The following SLC39A14 variants were observed in gnomAD, a reference collection of about 807,000 sequenced individuals.
SLC39A14 encodes the protein metal cation symporter ZIP14.
Under a neutral mutation model 45.5 loss-of-function variants are expected in SLC39A14, and 19 were observed. That is an observed-to-expected ratio of 0.42 (90% CI 0.29 to 0.61). SLC39A14 has a LOEUF of 0.61. Ranked by LOEUF, SLC39A14 falls within the 20% of genes least tolerant of loss-of-function variation. SLC39A14 has a pLI of 0.22. For synonymous variants in SLC39A14, 264 were observed against 251.3 expected, an observed-to-expected ratio of 1.05 and a Z score of -0.48; for missense variants, 447 against 616.5, an observed-to-expected ratio of 0.73 and a Z score of 2.91.
chr8:22,395,207 G>A (rs923546346), intron 1 of SLC39A14, among the ~76,000 whole-genome samples: 1 of 151,932 alleles, frequency 6.6e-6, no homozygotes, highest in Non-Finnish European at 1.5e-5. Context: ...TTGGGGTTTC[G>A]CCATATTGAC....
At chr8:22,384,967 T>G (rs1057380912) in intron 1 of SLC39A14, among the ~76,000 whole-genome samples, 2 of 130,390 alleles carry the variant, frequency 1.5e-5, no homozygotes. Context: ...GGAGAATTGC[T>G]TGAACCCGGG....
intron 1 of SLC39A14, among the ~76,000 whole-genome samples, chr8:22,390,944 G>A (rs948760850): frequency 7.2e-5 from 11 of 152,120 alleles, no homozygotes; most frequent in Non-Finnish European, 1.2e-4. Context: ...CCTGGGACAT[G>A]CATTTCCCTG....
chr8:22,385,620 G>T (rs1833751514), intron 1 of SLC39A14, among the ~76,000 whole-genome samples: 1 of 152,214 alleles, frequency 6.6e-6, no homozygotes, highest in Admixed American at 6.5e-5. Flanking sequence ...CCCAGTGAGT[G>T]AGATGAGCCA....
At chr8:22,398,389 G>A (rs1019747996) in intron 1 of SLC39A14, 1 of 152,362 alleles carries the variant, frequency 6.6e-6, no homozygotes. Flanking sequence ...GCGAGGGGTC[G>A]GGGGGCAGAC....
Position 22,412,017 on chromosome 8 carries a change from G to T in SLC39A14, c.458-20G>T. ...TCTCTCCCTGCCCTGGGTGGGGCTGGCCCTCCCTCCGCACGGCAGTGTGGG... is the reference window on the plus strand; with the variant it reads ...TCTCTCCCTGCCCTGGGTGGGGCTGTCCCTCCCTCCGCACGGCAGTGTGGG... On this transcript the variant is annotated intron_variant, in intron 3 of 8. Transcript: ENST00000381237. The T allele has an allele frequency of 1.3e-6, 2 of 1,545,420 alleles. No homozygotes were observed. Among genetic ancestry groups the T allele is most frequent in the South Asian group, 1.2e-5 (1 of 83,698 alleles).
At chr8:22,369,333 G>A (rs1479463080) in intron 1 of SLC39A14, among the ~76,000 whole-genome samples, 1 of 152,266 alleles carries the variant, frequency 6.6e-6, no homozygotes, top group Non-Finnish European at 1.5e-5. Flanking sequence ...TGGCCAGCCA[G>A]TGCAGAGGCT....
At chr8:22,423,021 G>A (rs570671327), downstream of SLC39A14, among the ~76,000 whole-genome samples, 4 of 151,906 alleles carry the variant, frequency 2.6e-5, no homozygotes, top group East Asian at 5.8e-4. Flanking sequence ...ATGGGGTTTC[G>A]CCATGTTGTC....
intron 3 of SLC39A14, among the ~76,000 whole-genome samples, chr8:22,409,626 C>G (rs1835447971): frequency 6.6e-6 from 1 of 151,760 alleles, no homozygotes; most frequent in Non-Finnish European, 1.5e-5. Flanking sequence ...AGGTGATCCA[C>G]CTTCCTCAGC....
chr8:22,387,964 G>A (rs927728777), intron 1 of SLC39A14, among the ~76,000 whole-genome samples: 4 of 152,234 alleles, frequency 2.6e-5, no homozygotes, highest in African/African-American at 9.6e-5. Context: ...CGGGTGTGGT[G>A]GCGCATGCCT....
chr8:22,431,177 CAG>C (rs1371843184), intron 8 of SLC39A14, among the ~76,000 whole-genome samples: 1 of 151,772 alleles, frequency 6.6e-6, no homozygotes, highest in Non-Finnish European at 1.5e-5. Flanking sequence ...TTAGTAGAGA[CAG>C]GGTTTCACTG....
Position 22,421,398 on chromosome 8 carries a change from T to C in SLC39A14, c.*1700T>C. On this transcript the variant is annotated 3_prime_UTR_variant, in exon 9 of 9. Transcript: ENST00000381237. ...TGATACTTTTTTTAAGTTTTGTTTT[T>C]ATCTTGCCTGTTGGCTTCAATACAT... 1 of 985,886 alleles carries C rather than the reference T, an allele frequency of 1.0e-6. No individual in the cohort carries two copies. Among genetic ancestry groups the C allele is most frequent in the Non-Finnish European group, 1.2e-6 (1 of 829,938 alleles). The allele number at this position is 985,886 out of a possible 1,614,324, so 61.1% of individuals were successfully genotyped here.
chr8:22,419,494 C>G, intron 8 of SLC39A14, 58 bp from the exon 9 acceptor site: 1 of 1,531,908 alleles, frequency 6.5e-7, no homozygotes, highest in South Asian at 1.2e-5. Flanking sequence ...CTGAATTGCC[C>G]TGGACTTACA....
chr8:22,432,854 T>C (rs577150902), intron 8 of SLC39A14, among the ~76,000 whole-genome samples: 2 of 146,772 alleles, frequency 1.4e-5, no homozygotes, highest in South Asian at 4.4e-4. Context: ...GGTTTTACCA[T>C]GTTGGACAGG....
intron 2 of SLC39A14, among the ~76,000 whole-genome samples, chr8:22,407,901 G>T (rs927837213): frequency 6.6e-6 from 1 of 150,752 alleles, no homozygotes; most frequent in Non-Finnish European, 1.5e-5. Context: ...TGTAAAGAAG[G>T]GGTCTCATGT....
Position 22,421,195 on chromosome 8 carries a change from C to T in SLC39A14, c.*1497C>T. On this transcript the variant is annotated 3_prime_UTR_variant, in exon 9 of 9. Transcript: ENST00000381237. The stretch of plus-strand genomic sequence containing the variant: ...CAGGGGCCATGTTTGCAAACTGATT[C>T]ATGTGCATGGCTGACAGGAGTACTG... 2 of 985,836 alleles carry T rather than the reference C, an allele frequency of 2.0e-6. No homozygotes were observed. Among genetic ancestry groups the T allele is most frequent in the Non-Finnish European group, 2.4e-6 (2 of 829,932 alleles). The allele number at this position is 985,836 out of a possible 1,614,324, so 61.1% of individuals were successfully genotyped here.
intron 1 of SLC39A14, among the ~76,000 whole-genome samples, chr8:22,394,551 C>T (rs1332034073): frequency 1.3e-5 from 2 of 151,862 alleles, no homozygotes; most frequent in African/African-American, 4.8e-5. Context: ...GATCTCCTGA[C>T]CTTGTGATCC....
intron 1 of SLC39A14, among the ~76,000 whole-genome samples, chr8:22,374,891 G>A (rs1159378325): frequency 6.6e-6 from 1 of 151,948 alleles, no homozygotes; most frequent in Non-Finnish European, 1.5e-5. Context: ...GACTCCAGGT[G>A]CACACCACCA....
In SLC39A14 at chr8:22,420,968, A is replaced by G. The variant is rs1017211380; in HGVS notation, c.*1270A>G. The G allele has an allele frequency of 1.0e-6, 1 of 985,882 alleles. No homozygotes were observed. Among genetic ancestry groups the G allele is most frequent in the Non-Finnish European group, 1.2e-6 (1 of 829,940 alleles). The allele number at this position is 985,882 out of a possible 1,614,324, so 61.1% of individuals were successfully genotyped here. A position where few individuals can be genotyped will look rare whatever the true frequency, so the allele number is the denominator to read the frequency against. On this transcript the variant is annotated 3_prime_UTR_variant, in exon 9 of 9. Transcript: ENST00000381237. ...AACTCTCTCCAGAAAATGGATGGAG[A>G]TAACTTGTCTTTAAAACTGTAGGCC...
intron 5 of SLC39A14, chr8:22,415,393 T>A (rs1208899377): frequency 4.7e-6 from 1 of 212,970 alleles, no homozygotes; most frequent in African/African-American, 2.4e-5. Context: ...CTTGGTGGAA[T>A]AAGCATGTAC....
Sources: gnomAD v4.1 joint callset for allele counts (sites outside exome capture counted in the v4.1 genomes callset) on GRCh38, gnomAD v4.1.1 for gene constraint, MANE v1.5 for transcripts, NCBI Gene and HGNC (gene_info 2026-07-23, HGNC 2026-07-21) for gene names.